RTN4RL2: variants seen among roughly 807,000 people sequenced by gnomAD.
RTN4RL2 encodes reticulon-4 receptor-like 2.
A neutral mutation model predicts 27.8 loss-of-function variants in RTN4RL2; 9 were observed. The observed-to-expected ratio is 0.32, with a 90% CI of 0.20 to 0.57. The LOEUF (loss-of-function observed/expected upper bound fraction) is 0.57. RTN4RL2 is among the 20% of genes least tolerant of loss of function. The pLI is 0.90. For synonymous variants in RTN4RL2, 285 were observed against 297.9 expected (o/e 0.96, Z 0.45); for missense variants, 436 against 596.8 (o/e 0.73, Z 2.81).
intron 2 of RTN4RL2, chr11:57,468,639 G>A (rs1375701669): frequency 1.3e-6 from 2 of 1,536,290 alleles, no homozygotes; most frequent in Non-Finnish European, 1.7e-6. Context: ...GAAGTAGAGA[G>A]AGAAGGCAGA....
chr11:57,468,334 A>C, intron 2 of RTN4RL2, among the ~76,000 whole-genome samples: 2 of 147,888 alleles, frequency 1.4e-5, no homozygotes, highest in African/African-American at 2.5e-5. Flanking sequence ...CTCTCCCTCT[A>C]ACTCCACAAC....
In RTN4RL2 at chr11:57,477,055, G is replaced by C. The variant is rs903488579; in HGVS notation, c.*144G>C. 2 of 827,296 alleles carry C rather than the reference G, an allele frequency of 2.4e-6. No homozygotes were observed. Among genetic ancestry groups the C allele is most frequent in the African/African-American group, 3.6e-5 (2 of 55,048 alleles). 51.2% of individuals were successfully genotyped at this position (827,296 alleles called of 1,614,324 possible). ...CAGCTCCTCTCCTCCCCGGGGAGCAGGCCGCCTCTCCTTGCCTGCCCCCTG... is the reference window on the plus strand; with the variant it reads ...CAGCTCCTCTCCTCCCCGGGGAGCACGCCGCCTCTCCTTGCCTGCCCCCTG... On this transcript the variant is annotated 3_prime_UTR_variant, in exon 3 of 3. Transcript: ENST00000335099.
intron 1 of RTN4RL2, among the ~76,000 whole-genome samples, chr11:57,465,159 G>T (rs189662934): frequency 6.6e-6 from 1 of 152,330 alleles, no homozygotes; most frequent in East Asian, 1.9e-4. Flanking sequence ...TCCCCCCTCT[G>T]GAGGAGGAAC....
At chr11:57,465,954 C>G (rs1943520277) in intron 1 of RTN4RL2, among the ~76,000 whole-genome samples, 1 of 149,498 alleles carries the variant, frequency 6.7e-6, no homozygotes, top group Non-Finnish European at 1.5e-5. Context: ...GAGTTTGAGA[C>G]CAGACTGAGC....
At position 57,467,227 on chromosome 11, in the gene RTN4RL2, CT is replaced by C. The variant is rs774626820; in HGVS notation, c.32-381del. Among the ~76,000 whole-genome samples, 5 of 152,200 alleles carry C rather than the reference CT, an allele frequency of 3.3e-5. No individual in the cohort carries two copies. Among genetic ancestry groups the C allele is most frequent in the Non-Finnish European group, 7.4e-5 (5 of 68,016 alleles). ...TTATTTTTATTTTCTATTTTTTCCC[CT>C]GAAACAGGGTCTTGTTGTGTTGCCC... On this transcript the variant is annotated intron_variant, in intron 1 of 2. Coordinates refer to ENST00000335099, the MANE Select transcript of RTN4RL2 (RefSeq NM_178570.3). This position sits in a 1 kb window ranked among gnomAD's most constrained non-coding sequence, Gnocchi z 5.5.
At chr11:57,461,191 G>A (rs1185252883) in intron 1 of RTN4RL2, among the ~76,000 whole-genome samples, 1 of 152,100 alleles carries the variant, frequency 6.6e-6, no homozygotes, top group Non-Finnish European at 1.5e-5. Context: ...CGCTCCACCT[G>A]CTCCGGGGGA....
At chr11:57,468,176 C>CTG in intron 2 of RTN4RL2, 86 bp downstream of exon 2, 3 of 1,391,662 alleles carry the variant, frequency 2.2e-6, no homozygotes, top group Non-Finnish European at 2.9e-6. Context: ...GGCGTGCGTC[C>CTG]CTCCTCTCTC....
rs1943538628 is a variant in RTN4RL2 at position 57,467,972 on chromosome 11, G to A, written c.395G>A (p.Arg132Gln). The A allele has an allele frequency of 5.0e-6, 8 of 1,609,674 alleles. No individual in the cohort carries two copies. Among genetic ancestry groups the A allele is most frequent in the Non-Finnish European group, 5.9e-6 (7 of 1,179,930 alleles). ...CCCGACACCTTCCAGGGCCTGGAGC[G>A]GCTGCAGTCGCTGCATTTGTACCGC... ...LEPDTFQGLE[R>Q]LQSLHLYRCQ... The change falls in exon 2 of 3, where the codon CGG (arginine) becomes CAG (glutamine). Residue 132 changes from arginine (R) to glutamine (Q), a missense_variant. Coordinates refer to ENST00000335099, the MANE Select transcript of RTN4RL2 (RefSeq NM_178570.3). The surrounding 1 kb of genome is among the most constrained non-coding windows in gnomAD (Gnocchi z 5.5).
At chr11:57,466,573 C>T (rs776936347) in intron 1 of RTN4RL2, among the ~76,000 whole-genome samples, 4 of 152,170 alleles carry the variant, frequency 2.6e-5, no homozygotes, top group African/African-American at 7.2e-5. Context: ...CTGCATAGTT[C>T]CTAGGACTGG....
chr11:57,461,433 C>A, intron 1 of RTN4RL2, among the ~76,000 whole-genome samples: 1 of 31,664 alleles, frequency 3.2e-5, no homozygotes, highest in Admixed American at 5.1e-4. Flanking sequence ...GGGCCAGAGA[C>A]TGGGGGTGGG....
intron 2 of RTN4RL2, among the ~76,000 whole-genome samples, chr11:57,474,919 C>T (rs1057353968): frequency 1.3e-5 from 2 of 152,182 alleles, no homozygotes; most frequent in Non-Finnish European, 2.9e-5. Context: ...GGTGGGACAG[C>T]GCCTCTAAGG....
intron 1 of RTN4RL2, among the ~76,000 whole-genome samples, chr11:57,466,737 C>T (rs893367603): frequency 3.3e-5 from 5 of 152,324 alleles, no homozygotes; most frequent in African/African-American, 1.2e-4. Flanking sequence ...TCACACGGGC[C>T]TCAGATCTCC....
At chr11:57,463,400 G>C (rs981267355) in intron 1 of RTN4RL2, among the ~76,000 whole-genome samples, 12 of 152,172 alleles carry the variant, frequency 7.9e-5, no homozygotes, top group African/African-American at 2.9e-4. Context: ...GGGGGAGGCT[G>C]CTACAAAGGG....
intron 2 of RTN4RL2, among the ~76,000 whole-genome samples, chr11:57,472,357 CAT>C (rs1161608393): frequency 2.0e-5 from 3 of 151,822 alleles, no homozygotes; most frequent in Non-Finnish European, 4.4e-5. Context: ...GAACTACAGA[CAT>C]GTGCCACCAT....
chr11:57,474,599 G>A (rs1943585618), intron 2 of RTN4RL2, among the ~76,000 whole-genome samples: 5 of 152,198 alleles, frequency 3.3e-5, no homozygotes, highest in Admixed American at 2.0e-4. Flanking sequence ...TGCACAAGAG[G>A]GGAGGACCTC....
rs955608900 is a variant in RTN4RL2, at chr11:57,476,974, G to A, written c.*63G>A. The A allele has an allele frequency of 7.5e-6, 11 of 1,464,958 alleles. No homozygotes were observed. The African/African-American group carries it at 8.8e-5, about 12-fold the overall frequency. 90.7% of individuals were successfully genotyped at this position (1,464,958 alleles called of 1,614,324 possible). A position where few individuals can be genotyped will look rare whatever the true frequency, so the allele number is the denominator to read the frequency against. ...CCGCTTCCCGTCCACCCGGGGCTGC[G>A]GCTCCGGCCCCAGTCGCCCCACCTT... On this transcript the variant is annotated 3_prime_UTR_variant, in exon 3 of 3. Transcript: ENST00000335099. The surrounding 1 kb of genome is among the most constrained non-coding windows in gnomAD (Gnocchi z 8.2).
chr11:57,460,799 G>A lies in RTN4RL2; in HGVS notation c.-67G>A, dbSNP rs1320675008. The stretch of plus-strand genomic sequence containing the variant: ...CCCGCGGGGTCCCCGCCGTGCATCC[G>A]GCGGGCTCAGGGAGCGAGTGGGAGC... On this transcript the variant is annotated 5_prime_UTR_variant, in exon 1 of 3. Coordinates refer to ENST00000335099, the MANE Select transcript of RTN4RL2 (RefSeq NM_178570.3). 5 of 963,206 alleles carry A rather than the reference G, an allele frequency of 5.2e-6. No homozygotes were observed. The highest frequency in any genetic ancestry group is 3.5e-5 in the Admixed American group (1 of 28,382). 59.7% of individuals were successfully genotyped at this position (963,206 alleles called of 1,614,324 possible).
Position 57,468,027 on chromosome 11 carries a change from C to T in RTN4RL2, c.450C>T (p.Ile150=). The T allele has an allele frequency of 6.2e-7, 1 of 1,600,944 alleles. No homozygotes were observed. The highest frequency in any genetic ancestry group is 8.5e-7 in the Non-Finnish European group (1 of 1,179,906). Residue 150 remains isoleucine (I), a synonymous_variant, in exon 2 of 3, where the codon ATC becomes ATT. Transcript: ENST00000335099. Reference sequence around the variant, plus strand: ...AGCTCAGCAGCCTGCCCGGCAACATCTTCCGAGGCCTGGTCAGCCTGCAGT... The same window carrying T: ...AGCTCAGCAGCCTGCCCGGCAACATTTTCCGAGGCCTGGTCAGCCTGCAGT... The part of the protein sequence containing the change: ...RCQLSSLPGN[I]FRGLVSLQYL...
rs532869548 is a variant in RTN4RL2, at chr11:57,464,711, C to T, written c.32-2898C>T. Among the ~76,000 whole-genome samples, 18 of 152,248 alleles carry T rather than the reference C, an allele frequency of 1.2e-4. No homozygotes were observed. The South Asian group carries it at 2.5e-3, about 21-fold the overall frequency. On this transcript the variant is annotated intron_variant, in intron 1 of 2. Transcript: ENST00000335099. ...AGAGGAATCGAGGGGACCTTTGCGG[C>T]TTTGAAATCTCCAGTTCTAAGCCCC...
Sources: allele counts gnomAD v4.1 joint callset (sites outside exome capture counted in the v4.1 genomes callset), GRCh38; gene constraint gnomAD v4.1.1; non-coding constraint Gnocchi (gnomAD v3.1); transcripts MANE v1.5; gene names NCBI Gene and HGNC (gene_info 2026-07-23, HGNC 2026-07-21).